TSPAN9: variants seen among roughly 807,000 people sequenced by gnomAD.
TSPAN9 encodes tetraspanin-9.
A neutral mutation model predicts 31.0 loss-of-function variants in TSPAN9; 16 were observed. The ratio of observed to expected loss-of-function variants is 0.52; its 90% CI spans 0.35 to 0.78. The LOEUF (loss-of-function observed/expected upper bound fraction) is 0.78, where lower values mean the gene tolerates loss of function less well. TSPAN9 is among the 30% of genes least tolerant of loss of function. TSPAN9 has a pLI of 0.01. For missense variants in TSPAN9, 272 were observed against 312.5 expected, an observed-to-expected ratio of 0.87 and a Z score of 0.98; for synonymous variants, 145 against 121.6, an observed-to-expected ratio of 1.19 and a Z score of -1.27.
intron 3 of TSPAN9, among the ~76,000 whole-genome samples, chr12:3,257,530 T>G (rs1403728206): frequency 6.6e-6 from 1 of 151,864 alleles, no homozygotes; most frequent in African/African-American, 2.4e-5. Context: ...AGTGGCTGCT[T>G]GTCCTATTAC....
intron 3 of TSPAN9, among the ~76,000 whole-genome samples, chr12:3,271,504 C>G (rs1862676997): frequency 6.8e-6 from 1 of 147,950 alleles, no homozygotes; most frequent in South Asian, 2.1e-4. Context: ...TAGATTCTTG[C>G]ATTAATAAGA....
chr12:3,251,109 AGT>A lies in TSPAN9; in HGVS notation c.64-27311_64-27310del, dbSNP rs59553891. Among the ~76,000 whole-genome samples the A allele has an allele frequency of 2.2e-3, 339 of 152,268 alleles. 2 individuals carry two copies. Among genetic ancestry groups the A allele is most frequent in the African/African-American group, 7.9e-3 (328 of 41,548 alleles). ...CCCAGGTTAGTGTCTGAAGGATTTC[AGT>A]TGGTGACTTTGTGGCACTGTGGGCT... On this transcript the variant is annotated intron_variant, in intron 3 of 8. Transcript: ENST00000011898.
At position 3,274,657 on chromosome 12, in the gene TSPAN9, G is replaced by A. The variant is rs1862750071; in HGVS notation, c.64-3764G>A. On this transcript the variant is annotated intron_variant, in intron 3 of 8. Coordinates refer to ENST00000011898, the MANE Select transcript of TSPAN9 (RefSeq NM_006675.5). ...TGACTGGGGACTTCCTTGTCCCCCC[G>A]CTTAGCTTCCTGGAAAATCGAGGCG... Among the ~76,000 whole-genome samples, 4 of 152,356 alleles carry A rather than the reference G, an allele frequency of 2.6e-5. 1 individual carries two copies. In the South Asian group the frequency reaches 6.2e-4, roughly 24 times the overall value.
intron 3 of TSPAN9, among the ~76,000 whole-genome samples, chr12:3,239,018 C>G (rs989047143): frequency 5.3e-5 from 8 of 152,254 alleles, no homozygotes; most frequent in African/African-American, 1.7e-4. Context: ...TGGCACCCAG[C>G]ATGGCGTTAG....
chr12:3,112,163 C>T (rs1198748960), intron 2 of TSPAN9, among the ~76,000 whole-genome samples: 1 of 141,576 alleles, frequency 7.1e-6, no homozygotes, highest in African/African-American at 2.6e-5. Context: ...TCTGTGGTAT[C>T]AATTGTAATG....
At chr12:3,175,153 C>T (rs1374383247) in intron 2 of TSPAN9, among the ~76,000 whole-genome samples, 1 of 152,170 alleles carries the variant, frequency 6.6e-6, no homozygotes, top group South Asian at 2.1e-4. Context: ...TGCTGTCCTG[C>T]AGGACCTAGG....
At chr12:3,200,997 A>G in intron 2 of TSPAN9, 180 bp from the exon 3 acceptor site, 2 of 595,748 alleles carry the variant, frequency 3.4e-6, no homozygotes, top group East Asian at 2.9e-5. Flanking sequence ...GACTTTGCCA[A>G]GCCGTCCACC....
intron 3 of TSPAN9, among the ~76,000 whole-genome samples, chr12:3,217,886 T>C (rs1164352177): frequency 6.6e-6 from 1 of 152,092 alleles, no homozygotes. Context: ...AGCAAGGTGC[T>C]TAACTTTTAG....
chr12:3,106,625 G>C lies in TSPAN9; in HGVS notation c.-18+22906G>C, dbSNP rs188051861. ...GTCTCTGCAAAAAATAAAAAAATTG[G>C]CCACACGGGGTGGCATGTGCCTGTA... On this transcript the variant is annotated intron_variant, in intron 2 of 8. Transcript: ENST00000011898. Among the ~76,000 whole-genome samples the C allele has an allele frequency of 2.0e-5, 3 of 152,184 alleles. No homozygotes were observed. The East Asian group carries it at 5.8e-4, about 30-fold the overall frequency.
At chr12:3,109,220 G>A (rs571263144) in intron 2 of TSPAN9, among the ~76,000 whole-genome samples, 3 of 151,148 alleles carry the variant, frequency 2.0e-5, no homozygotes, top group Admixed American at 6.6e-5. Context: ...ACAGGTGTGA[G>A]CCACCGCTCC....
At chr12:3,213,975 C>A (rs187338877) in intron 3 of TSPAN9, among the ~76,000 whole-genome samples, 8 of 152,308 alleles carry the variant, frequency 5.3e-5, no homozygotes, top group Admixed American at 2.6e-4. Flanking sequence ...CCAGTTAACT[C>A]TCGCTTGTAT....
Position 3,122,998 on chromosome 12 carries a change from G to A in TSPAN9, c.-18+39279G>A, listed in dbSNP as rs563250267. On this transcript the variant is annotated intron_variant, in intron 2 of 8. Transcript: ENST00000011898. Reference sequence around the variant, plus strand: ...GCTTCAGGGTTGGTCAGGGGTCCCTGGGGGAGAGGCAGGCAGGATGCTAGG... The same window carrying A: ...GCTTCAGGGTTGGTCAGGGGTCCCTAGGGGAGAGGCAGGCAGGATGCTAGG... Among the ~76,000 whole-genome samples the A allele has an allele frequency of 2.6e-5, 4 of 152,294 alleles. No homozygotes were observed. The South Asian group carries it at 6.2e-4, about 24-fold the overall frequency.
At chr12:3,165,350 A>G (rs34399892) in intron 2 of TSPAN9, among the ~76,000 whole-genome samples, 6,741 of 152,142 alleles carry the variant, frequency 0.044, 501 homozygotes, top group African/African-American at 0.15. Flanking sequence ...TAATTAATGG[A>G]GGTTTGCCAG....
At chr12:3,101,380 G>C (rs74057514) in intron 2 of TSPAN9, among the ~76,000 whole-genome samples, 1 of 152,090 alleles carries the variant, frequency 6.6e-6, no homozygotes, top group African/African-American at 2.4e-5. Context: ...CCAAACCCAC[G>C]TCTGTTGCTT....
intron 2 of TSPAN9, among the ~76,000 whole-genome samples, chr12:3,122,680 G>A (rs927387939): frequency 1.3e-5 from 2 of 152,180 alleles, no homozygotes; most frequent in African/African-American, 4.8e-5. Context: ...GCATCTGTCT[G>A]AATGTGCTCC....
intron 3 of TSPAN9, among the ~76,000 whole-genome samples, chr12:3,216,649 G>A (rs10848825): frequency 6.6e-6 from 1 of 152,120 alleles, no homozygotes; most frequent in South Asian, 2.1e-4. Flanking sequence ...ACCCGGAGTG[G>A]CCCTAATGGG....
At chr12:3,269,833 GT>G (rs367834671) in intron 3 of TSPAN9, among the ~76,000 whole-genome samples, 10 of 152,356 alleles carry the variant, frequency 6.6e-5, no homozygotes, top group African/African-American at 1.9e-4. Flanking sequence ...TGCATCCTCT[GT>G]CTGGGAAGAG....
At chr12:3,238,956 G>A (rs975764345) in intron 3 of TSPAN9, among the ~76,000 whole-genome samples, 4 of 152,192 alleles carry the variant, frequency 2.6e-5, no homozygotes, top group Non-Finnish European at 4.4e-5. Context: ...CCTCCCAAAG[G>A]AGGGTCGGGT....
chr12:3,122,431 C>T (rs892900300), intron 2 of TSPAN9, among the ~76,000 whole-genome samples: 4 of 152,040 alleles, frequency 2.6e-5, no homozygotes, highest in Non-Finnish European at 5.9e-5. Context: ...TTCAGGCACA[C>T]ACCACCATGC....
Sources: gnomAD v4.1 joint callset for allele counts (sites outside exome capture counted in the v4.1 genomes callset) on GRCh38, gnomAD v4.1.1 for gene constraint, MANE v1.5 for transcripts, NCBI Gene and HGNC (gene_info 2026-07-23, HGNC 2026-07-21) for gene names.